SNAPC3: variants seen among roughly 807,000 people sequenced by gnomAD.
SNAPC3 encodes the protein snRNA-activating protein complex subunit 3.
In SNAPC3, 56 loss-of-function variants were observed where a neutral mutation model predicts 47.7. The ratio of observed to expected loss-of-function variants is 1.18; its 90% confidence interval spans 0.95 to 1.47. The LOEUF (loss-of-function observed/expected upper bound fraction) is 1.47. SNAPC3 is among the 40% of genes most tolerant of loss of function. SNAPC3 has a pLI of 0.00. For missense variants in SNAPC3, 665 were observed against 511.3 expected (o/e 1.30, Z -2.90); for synonymous variants, 235 against 189.9 (o/e 1.24, Z -1.95).
intron 3 of SNAPC3, among the ~76,000 whole-genome samples, chr9:15,438,606 A>G (rs181426027): frequency 6.6e-6 from 1 of 152,032 alleles, no homozygotes; most frequent in Non-Finnish European, 1.5e-5. Context: ...TCTTTTTACT[A>G]TATCTCCCTA....
chr9:15,426,155 G>A (rs187807942), intron 2 of SNAPC3, among the ~76,000 whole-genome samples: 2 of 152,240 alleles, frequency 1.3e-5, no homozygotes, highest in East Asian at 3.9e-4. Flanking sequence ...CACCTGGCCC[G>A]ACCTTGCTGA....
rs2034508405 is a variant in SNAPC3, at chr9:15,453,032, C to T, written c.816-9C>T. The stretch of plus-strand genomic sequence containing the variant: ...AAAAATGATATATCCTTGCCTTTTC[C>T]CCCCTCAGAACTATCATTGAGTGGT... On this transcript the variant is annotated splice_polypyrimidine_tract_variant and intron_variant, in intron 6 of 8. Coordinates refer to ENST00000380821, the MANE Select transcript of SNAPC3 (RefSeq NM_001039697.2). 6.3e-7 allele frequency: 1 copy of T among 1,595,632 alleles called. No homozygotes were observed. Among genetic ancestry groups the T allele is most frequent in the African/African-American group, 1.4e-5 (1 of 73,798 alleles).
At chr9:15,465,562 T>C (rs747857831), downstream of SNAPC3, 12 of 1,586,354 alleles carry the variant, frequency 7.6e-6, no homozygotes, top group African/African-American at 1.5e-4. Context: ...TTTCAGTCTC[T>C]CTCTCTTCAC....
chr9:15,423,845 C>T, intron 1 of SNAPC3, 64 bp from the exon 2 acceptor site: 1 of 957,568 alleles, frequency 1.0e-6, no homozygotes, highest in Non-Finnish European at 1.6e-6. Context: ...GGAAAACAAC[C>T]CTAACTCGCT....
intron 5 of SNAPC3, among the ~76,000 whole-genome samples, chr9:15,450,580 G>C (rs1196651140): frequency 6.6e-6 from 1 of 152,154 alleles, no homozygotes; most frequent in African/African-American, 2.4e-5. Context: ...AAAGAACTCA[G>C]GTCTTCTGAC....
chr9:15,433,118 A>C (rs1587205903), intron 2 of SNAPC3, among the ~76,000 whole-genome samples: 2 of 152,312 alleles, frequency 1.3e-5, no homozygotes, highest in Non-Finnish European at 2.9e-5. Flanking sequence ...TCAAACCCAA[A>C]TTGAAGGACA....
intron 2 of SNAPC3, 148 bp downstream of exon 2, chr9:15,424,134 G>T: frequency 2.3e-6 from 1 of 439,766 alleles, no homozygotes; most frequent in Non-Finnish European, 4.1e-6. Context: ...ATTTACTTTA[G>T]CCGTGTGTAT....
chr9:15,445,680 G>C (rs1216642962), intron 4 of SNAPC3, among the ~76,000 whole-genome samples: 1 of 152,100 alleles, frequency 6.6e-6, no homozygotes, highest in Non-Finnish European at 1.5e-5. Flanking sequence ...GGGTGTAATG[G>C]CTCACACCTA....
In SNAPC3 at chr9:15,433,593, C is replaced by A; in HGVS notation, c.434C>A (p.Thr145Lys). 24 of 1,609,180 alleles carry A rather than the reference C, an allele frequency of 1.5e-5. No homozygotes were observed. Among genetic ancestry groups the A allele is most frequent in the Non-Finnish European group, 2.0e-5 (23 of 1,177,256 alleles). Residue 145 changes from threonine (T) to lysine (K), a missense_variant, in exon 3 of 9, where the codon ACA becomes AAA. Thr to Lys is a moderately conservative substitution (Grantham distance 78). Transcript: ENST00000380821. The stretch of plus-strand genomic sequence containing the variant: ...TTGGAACATCGGGAAGAAACCATTA[C>A]AATAGATCGAGCCTGCAGACAAGAA... The part of the protein sequence containing the change: ...RFLEHREETI[T>K]IDRACRQETF...
At chr9:15,450,166 T>C (rs1488745007) in intron 5 of SNAPC3, among the ~76,000 whole-genome samples, 2 of 152,160 alleles carry the variant, frequency 1.3e-5, no homozygotes, top group Admixed American at 6.5e-5. Flanking sequence ...ATACTTAATG[T>C]ACATAATCTC....
chr9:15,446,720 G>T (rs572462228), intron 4 of SNAPC3, among the ~76,000 whole-genome samples: 5 of 152,172 alleles, frequency 3.3e-5, no homozygotes, highest in Non-Finnish European at 7.3e-5. Flanking sequence ...GAAAGACAAG[G>T]TAGGGAAGAG....
chr9:15,459,038 A>T (rs1168014689), intron 8 of SNAPC3, among the ~76,000 whole-genome samples: 2 of 152,174 alleles, frequency 1.3e-5, no homozygotes, highest in South Asian at 4.1e-4. Context: ...TTGTATCTTC[A>T]GTTTGTTTTC....
chr9:15,442,632 T>A (rs909538966), intron 3 of SNAPC3, among the ~76,000 whole-genome samples: 5 of 151,318 alleles, frequency 3.3e-5, no homozygotes, highest in Non-Finnish European at 1.5e-5. Flanking sequence ...GCAGAGACGC[T>A]CCTCACTTCC....
intron 3 of SNAPC3, 93 bp from the exon 4 acceptor site, chr9:15,444,509 C>A: frequency 2.7e-6 from 2 of 748,806 alleles, no homozygotes; most frequent in Non-Finnish European, 4.6e-6. Flanking sequence ...CCCAAGGCTG[C>A]TTGACTCGAT....
chr9:15,461,892 A>C (rs1174414202), downstream of SNAPC3: 1 of 152,216 alleles, frequency 6.6e-6, no homozygotes, highest in Admixed American at 6.5e-5. Context: ...TGTTATACCT[A>C]AATTTTTACT....
chr9:15,461,781 T>TG (rs2035240412), downstream of SNAPC3: 1 of 152,174 alleles, frequency 6.6e-6, no homozygotes, highest in African/African-American at 2.4e-5. Flanking sequence ...TCCATTGGCT[T>TG]GGAGATGACA....
chr9:15,429,603 A>G (rs928898299), intron 2 of SNAPC3, among the ~76,000 whole-genome samples: 19 of 152,258 alleles, frequency 1.2e-4, no homozygotes, highest in Non-Finnish European at 2.6e-4. Flanking sequence ...TCTAGGATTT[A>G]AAAAATGTGA....
intron 3 of SNAPC3, among the ~76,000 whole-genome samples, chr9:15,440,340 T>C (rs896373551): frequency 5.3e-5 from 8 of 151,886 alleles, no homozygotes; most frequent in African/African-American, 1.9e-4. Flanking sequence ...AAGAATCCTC[T>C]TTAACACTTC....
chr9:15,441,856 T>C (rs1587285851), intron 3 of SNAPC3, among the ~76,000 whole-genome samples: 1 of 152,358 alleles, frequency 6.6e-6, no homozygotes, highest in East Asian at 1.9e-4. Flanking sequence ...CCCCCTTTTC[T>C]ATTCGACAAA....
Sources: allele counts gnomAD v4.1 joint callset (sites outside exome capture counted in the v4.1 genomes callset), GRCh38; gene constraint gnomAD v4.1.1; transcripts MANE v1.5; gene names NCBI Gene and HGNC (gene_info 2026-07-23, HGNC 2026-07-21).